IQCM: variants seen among roughly 807,000 people sequenced by gnomAD.
IQCM encodes IQ domain-containing protein M.
Under a neutral mutation model 57.6 loss-of-function variants are expected in IQCM, and 45 were observed. That is an observed-to-expected ratio of 0.78 (90% confidence interval 0.62 to 1.00). The LOEUF is 1.00. Ranked by LOEUF, IQCM falls within the 50% of genes least tolerant of loss-of-function variation. IQCM has a pLI of 0.00. For synonymous variants in IQCM, 148 were observed against 158.9 expected (o/e 0.93, Z 0.51); for missense variants, 468 against 511.6 (o/e 0.91, Z 0.82).
chr4:149,752,847 A>G (rs1218605927), intron 2 of IQCM, among the ~76,000 whole-genome samples: 1 of 152,182 alleles, frequency 6.6e-6, no homozygotes, highest in Non-Finnish European at 1.5e-5. Context: ...GCAACTTCCC[A>G]CTGGTGCTTG....
chr4:149,454,360 T>C (rs1013730737), intron 12 of IQCM, among the ~76,000 whole-genome samples: 2 of 151,816 alleles, frequency 1.3e-5, no homozygotes, highest in South Asian at 2.1e-4. Context: ...AGCGAACTAA[T>C]GCAGGAACAG....
chr4:149,401,162 G>A (rs1732595051), intron 13 of IQCM, among the ~76,000 whole-genome samples: 1 of 151,626 alleles, frequency 6.6e-6, no homozygotes, highest in Non-Finnish European at 1.5e-5. Context: ...GATGATGTAA[G>A]TCCCCCCAAA....
At chr4:149,491,822 G>A (rs1742125142) in intron 12 of IQCM, among the ~76,000 whole-genome samples, 1 of 151,688 alleles carries the variant, frequency 6.6e-6, no homozygotes, top group Admixed American at 6.6e-5. Flanking sequence ...ATTTTGTGAG[G>A]CATCTCCATA....
At chr4:149,740,590 G>A (rs1767367308) in intron 3 of IQCM, among the ~76,000 whole-genome samples, 1 of 152,060 alleles carries the variant, frequency 6.6e-6, no homozygotes, top group South Asian at 2.1e-4. Context: ...AATACTCCAA[G>A]AGAAATAAGT....
chr4:149,367,455 T>C (rs1470547497), intron 13 of IQCM, among the ~76,000 whole-genome samples: 1 of 152,032 alleles, frequency 6.6e-6, no homozygotes, highest in Non-Finnish European at 1.5e-5. Flanking sequence ...TTTTGACTTA[T>C]TTACTCAAGA....
At chr4:149,394,680 T>A (rs1732101743) in intron 13 of IQCM, among the ~76,000 whole-genome samples, 1 of 151,942 alleles carries the variant, frequency 6.6e-6, no homozygotes, top group South Asian at 2.1e-4. Context: ...GATGCCCAAG[T>A]CCTGCTCAAC....
At chr4:149,381,147 A>T (rs546965808) in intron 13 of IQCM, among the ~76,000 whole-genome samples, 5 of 152,086 alleles carry the variant, frequency 3.3e-5, no homozygotes, top group Non-Finnish European at 7.4e-5. Flanking sequence ...ATCCAACCCC[A>T]TAGCACGTCC....
rs199981447 is a variant in IQCM at position 149,351,819 on chromosome 4, T to A, written c.*132A>T. 3 of 204,404 alleles carry A rather than the reference T, an allele frequency of 1.5e-5. No individual in the cohort carries two copies. The East Asian group carries it at 1.6e-4, about 11-fold the overall frequency. The allele number at this position is 204,404 out of a possible 1,614,324, so 12.7% of individuals were successfully genotyped here. A position where few individuals can be genotyped will look rare whatever the true frequency, so the allele number is the denominator to read the frequency against. On this transcript the variant is annotated 3_prime_UTR_variant, in exon 14 of 14. Transcript: ENST00000636793. The stretch of plus-strand genomic sequence containing the variant: ...ATACTAGAAATTATAGATAAACTTG[T>A]CAAAGTTCTTTCTATATTCAAAGAT...
intron 12 of IQCM, among the ~76,000 whole-genome samples, chr4:149,521,303 G>A (rs1462067462): frequency 6.6e-6 from 1 of 151,948 alleles, no homozygotes; most frequent in African/African-American, 2.4e-5. Flanking sequence ...AAGGAAGGAA[G>A]GGAGGAAGTC....
intron 13 of IQCM, among the ~76,000 whole-genome samples, chr4:149,425,663 A>G (rs1734417486): frequency 6.6e-6 from 1 of 151,958 alleles, no homozygotes; most frequent in Non-Finnish European, 1.5e-5. Context: ...TATCTAGCCT[A>G]CTGATTTAAA....
chr4:149,637,693 G>C (rs1757846195), intron 7 of IQCM, among the ~76,000 whole-genome samples: 1 of 152,084 alleles, frequency 6.6e-6, no homozygotes, highest in Non-Finnish European at 1.5e-5. Flanking sequence ...CAGACCAATG[G>C]AACAGAACAG....
At chr4:149,694,758 T>C (rs1432437810) in intron 5 of IQCM, among the ~76,000 whole-genome samples, 1 of 152,124 alleles carries the variant, frequency 6.6e-6, no homozygotes, top group African/African-American at 2.4e-5. Flanking sequence ...AGAGGGGATT[T>C]TATGTTGTGA....
At chr4:149,488,202 GT>G (rs1406584329) in intron 12 of IQCM, among the ~76,000 whole-genome samples, 1 of 152,094 alleles carries the variant, frequency 6.6e-6, no homozygotes, top group Non-Finnish European at 1.5e-5. Flanking sequence ...TGTGAAAAGT[GT>G]GGGGTTACTA....
chr4:149,466,431 T>C (rs1015550690), intron 12 of IQCM, among the ~76,000 whole-genome samples: 5 of 152,196 alleles, frequency 3.3e-5, no homozygotes, highest in African/African-American at 1.2e-4. Flanking sequence ...ACATCTGAAA[T>C]TGTATACTCA....
chr4:149,698,112 T>A (rs1763475281), intron 5 of IQCM, among the ~76,000 whole-genome samples: 1 of 151,890 alleles, frequency 6.6e-6, no homozygotes, highest in Non-Finnish European at 1.5e-5. Context: ...ATTATATAGA[T>A]TTTTTTCCTA....
At chr4:149,499,288 T>C (rs1742995590) in intron 12 of IQCM, among the ~76,000 whole-genome samples, 1 of 152,290 alleles carries the variant, frequency 6.6e-6, no homozygotes, top group Non-Finnish European at 1.5e-5. Flanking sequence ...GTTAAAAATA[T>C]ACATGCATGT....
Position 149,583,023 on chromosome 4 carries a change from C to T in IQCM, c.749+4907G>A, listed in dbSNP as rs78729432. 1.4e-3 allele frequency among the ~76,000 whole-genome samples: 217 copies of T among 151,530 alleles called. 3 individuals carry two copies. The highest frequency in any genetic ancestry group is 4.9e-3 in the African/African-American group (203 of 41,410). Reference sequence around the variant, plus strand: ...TGGACTCTGAAATGTGAATTTTATACTTAGATATGTAAGTTGATGTACCAT... The same window carrying T: ...TGGACTCTGAAATGTGAATTTTATATTTAGATATGTAAGTTGATGTACCAT... On this transcript the variant is annotated intron_variant, in intron 9 of 13. Coordinates refer to ENST00000636793, the MANE Select transcript of IQCM (RefSeq NM_001363507.2).
intron 13 of IQCM, among the ~76,000 whole-genome samples, chr4:149,426,944 T>C (rs1367305508): frequency 6.6e-6 from 1 of 151,976 alleles, no homozygotes; most frequent in Non-Finnish European, 1.5e-5. Flanking sequence ...AAACCCTATA[T>C]AAGATCAACA....
intron 5 of IQCM, among the ~76,000 whole-genome samples, chr4:149,717,663 G>T (rs1033094509): frequency 1.3e-5 from 2 of 152,154 alleles, no homozygotes; most frequent in Non-Finnish European, 2.9e-5. Context: ...GCCTGAAAAA[G>T]GTTAAAGTAA....
Sources: gnomAD v4.1 joint callset for allele counts (sites outside exome capture counted in the v4.1 genomes callset) on GRCh38, gnomAD v4.1.1 for gene constraint, MANE v1.5 for transcripts, NCBI Gene and HGNC (gene_info 2026-07-23, HGNC 2026-07-21) for gene names.